The following TMEM106C variants were observed in gnomAD, a reference collection of about 807,000 sequenced individuals.
TMEM106C encodes endoplasmic reticulum membrane protein overexpressed in cancer.
In TMEM106C, 27 loss-of-function variants were observed where a neutral mutation model predicts 30.8. The ratio of observed to expected loss-of-function variants is 0.88; its 90% CI spans 0.65 to 1.21. TMEM106C has a LOEUF of 1.21. Ranked by LOEUF, TMEM106C falls within the 50% of genes most tolerant of loss-of-function variation. TMEM106C has a pLI of 0.00. For missense variants in TMEM106C, 288 were observed against 307.8 expected (o/e 0.94, Z 0.48); for synonymous variants, 123 against 118.8 (o/e 1.04, Z -0.23).
intron 7 of TMEM106C, 23 bp downstream of exon 7, chr12:47,967,284 G>A (rs905086021): frequency 1.1e-5 from 18 of 1,613,798 alleles, no homozygotes; most frequent in South Asian, 2.2e-5. Context: ...TCCCTATCCC[G>A]ATGGCCTGTC....
chr12:47,963,889 A>G (rs904380420), intron 1 of TMEM106C, 185 bp downstream of exon 1: 12 of 373,026 alleles, frequency 3.2e-5, no homozygotes, highest in African/African-American at 2.5e-4. Flanking sequence ...AGAGCTTACA[A>G]ATAGTGAAGA....
At chr12:47,965,121 C>G (rs1452471581) in intron 2 of TMEM106C, among the ~76,000 whole-genome samples, 161 bp from the exon 3 acceptor site, 1 of 152,218 alleles carries the variant, frequency 6.6e-6, no homozygotes, top group Admixed American at 6.5e-5. Context: ...TTGTGGCACT[C>G]TCTTGTTTCT....
intron 5 of TMEM106C, 191 bp downstream of exon 5, chr12:47,966,420 T>G (rs1565658725): frequency 4.1e-6 from 3 of 728,890 alleles, no homozygotes; most frequent in Admixed American, 3.0e-5. Context: ...TTTAAGCATT[T>G]GGGGAGCAGA....
At chr12:47,966,510 G>A in intron 5 of TMEM106C, 173 bp from the exon 6 acceptor site, 1 of 744,684 alleles carries the variant, frequency 1.3e-6, no homozygotes, top group Middle Eastern at 2.4e-4. Flanking sequence ...CCTCTCAAAA[G>A]GGAAGAGGTT....
chr12:47,966,517 G>A (rs1337238629), intron 5 of TMEM106C, 166 bp from the exon 6 acceptor site: 2 of 770,866 alleles, frequency 2.6e-6, no homozygotes, highest in Non-Finnish European at 4.3e-6. Flanking sequence ...AAAGGGAAGA[G>A]GTTGGCAGTA....
chr12:47,964,733 C>A, intron 2 of TMEM106C: 2 of 391,040 alleles, frequency 5.1e-6, no homozygotes, highest in Non-Finnish European at 4.7e-6. Flanking sequence ...AGGATTGGGA[C>A]AGCTTTGCGG....
At chr12:47,968,034 G>A (rs537416906) in intron 7 of TMEM106C, 99 bp from the exon 8 acceptor site, 6 of 803,938 alleles carry the variant, frequency 7.5e-6, no homozygotes, top group Admixed American at 1.9e-5. Flanking sequence ...GGGCCCGTGG[G>A]TATTGTTCTC....
intron 7 of TMEM106C, 32 bp from the exon 8 acceptor site, chr12:47,968,101 T>C: frequency 6.3e-7 from 1 of 1,575,448 alleles, no homozygotes; most frequent in South Asian, 1.1e-5. Flanking sequence ...CCCCCAAACA[T>C]AATTAATTCT....
chr12:47,967,555 C>T (rs1938282230), intron 7 of TMEM106C, among the ~76,000 whole-genome samples: 1 of 152,174 alleles, frequency 6.6e-6, no homozygotes, highest in Admixed American at 6.5e-5. Context: ...AACAGAAAAG[C>T]TTTCTCAAGA....
At chr12:47,964,745 G>C in intron 2 of TMEM106C, 1 of 363,154 alleles carries the variant, frequency 2.8e-6, no homozygotes, top group Admixed American at 4.4e-5. Context: ...GCTTTGCGGG[G>C]GAACCATCTT....
intron 5 of TMEM106C, 175 bp downstream of exon 5, chr12:47,966,404 C>A: frequency 1.3e-6 from 1 of 777,640 alleles, no homozygotes; most frequent in Non-Finnish European, 2.0e-6. Context: ...GAAAAAACAG[C>A]TATCATTTAA....
At position 47,965,866 on chromosome 12, in the gene TMEM106C, C is replaced by G. The variant is rs1323160778; in HGVS notation, c.280C>G (p.Leu94Val). 1 of 1,614,244 alleles carries G rather than the reference C, an allele frequency of 6.2e-7. No individual in the cohort carries two copies. The highest frequency in any genetic ancestry group is 1.3e-5 in the African/African-American group (1 of 75,068). Residue 94 changes from leucine (L) to valine (V), a missense_variant, in exon 4 of 8, where the codon CTT (leucine) becomes GTT (valine). Physicochemically the swap from Leu to Val is conservative, Grantham distance 32. Transcript: ENST00000429772. The stretch of plus-strand genomic sequence containing the variant: ...GCAATATGTCCTCCTGTCCATCCTG[C>G]TTTGTCTCCTGGCATCTGGTTTGGT... The part of the protein sequence containing the change: ...TKQYVLLSIL[L>V]CLLASGLVVF...
chr12:47,967,107 G>T (rs1020427699), intron 6 of TMEM106C, 101 bp from the exon 7 acceptor site: 6 of 1,226,230 alleles, frequency 4.9e-6, no homozygotes, highest in African/African-American at 3.0e-5. Flanking sequence ...AGGTCGGAAG[G>T]GGGAGGGGGG....
chr12:47,966,095 C>T lies in TMEM106C; in HGVS notation c.418C>T (p.Leu140=). ...CTGACTTGCCCTGATGTAGGCCACC[C>T]TGAAAATCAGGAACTCCAACTTCTA... ...SLVILTIMAT[L]KIRNSNFYTV... Residue 140 remains leucine (L), a synonymous_variant, in exon 5 of 8, where the codon CTG becomes TTG. Coordinates refer to ENST00000429772, the MANE Select transcript of TMEM106C (RefSeq NM_001143842.2). 1 of 1,614,212 alleles carries T rather than the reference C, an allele frequency of 6.2e-7. No homozygotes were observed. The highest frequency in any genetic ancestry group is 8.5e-7 in the Non-Finnish European group (1 of 1,180,042).
rs1162506417 is a variant in TMEM106C, at chr12:47,964,442, T to G, written c.187+19T>G. On this transcript the variant is annotated intron_variant, in intron 2 of 7. Transcript: ENST00000429772. ...CCAACAGGTGATCATGGAGGGATGA[T>G]TCCCTGATGAGAATCCCAAGGTACC... 6.2e-7 allele frequency: 1 copy of G among 1,612,038 alleles called. No individual in the cohort carries two copies. Among genetic ancestry groups the G allele is most frequent in the African/African-American group, 1.3e-5 (1 of 74,872 alleles).
intron 7 of TMEM106C, 75 bp downstream of exon 7, chr12:47,967,336 GT>G: frequency 6.6e-7 from 1 of 1,512,988 alleles, no homozygotes; most frequent in Non-Finnish European, 9.2e-7. Context: ...AGGCCCCTGT[GT>G]GACCACAGGG....
rs1938141692 is a variant in TMEM106C at position 47,964,174 on chromosome 12, G to A, written c.-28-35G>A. The A allele has an allele frequency of 2.3e-5, 35 of 1,541,236 alleles. No homozygotes were observed. The South Asian group carries it at 3.1e-4, about 14-fold the overall frequency. ...AAGCGATTTCTGTCGTGATTCACTG[G>A]GGCCGCTAACGTGCACTCCCTCTTT... On this transcript the variant is annotated intron_variant, in intron 1 of 7. Coordinates refer to ENST00000429772, the MANE Select transcript of TMEM106C (RefSeq NM_001143842.2).
chr12:47,968,011 G>A, intron 7 of TMEM106C, 122 bp from the exon 8 acceptor site: 2 of 667,742 alleles, frequency 3.0e-6, no homozygotes, highest in Non-Finnish European at 5.4e-6. Context: ...ATAACCATGA[G>A]GATATGTGCC....
chr12:47,967,226 T>C lies in TMEM106C; in HGVS notation c.621T>C (p.Pro207=), dbSNP rs1335483389. The C allele has an allele frequency of 6.2e-6, 10 of 1,607,988 alleles. No homozygotes were observed. The highest frequency in any genetic ancestry group is 1.6e-4 in the Middle Eastern group (1 of 6,074). ...TTGGTAGCTTCTTCTGCACGGTACCTGAGATCCTGGTGCACAACATAGTGA... is the reference window on the plus strand; with the variant it reads ...TTGGTAGCTTCTTCTGCACGGTACCCGAGATCCTGGTGCACAACATAGTGA... The part of the protein sequence containing the change: ...FSYVYFFCTV[P]EILVHNIVIF... The change falls in exon 7 of 8, where the codon CCT becomes CCC. Residue 207 remains proline (P), a synonymous_variant. Coordinates refer to ENST00000429772, the MANE Select transcript of TMEM106C (RefSeq NM_001143842.2).
Sources: gnomAD v4.1 joint callset for allele counts (sites outside exome capture counted in the v4.1 genomes callset) on GRCh38, gnomAD v4.1.1 for gene constraint, MANE v1.5 for transcripts, NCBI Gene and HGNC (gene_info 2026-07-23, HGNC 2026-07-21) for gene names.